ARMH4: variants seen among roughly 807,000 people sequenced by gnomAD.
ARMH4 encodes the protein armadillo like helical domain containing 4, also known as armadillo-like helical domain-containing protein 4.
Under a neutral mutation model 61.9 loss-of-function variants are expected in ARMH4, and 49 were observed. That is an observed-to-expected ratio of 0.79 (90% CI 0.63 to 1.00). ARMH4 has a LOEUF of 1.00. ARMH4 is among the 50% of genes least tolerant of loss of function. The pLI, the probability that ARMH4 is intolerant of heterozygous loss-of-function variation, is 0.00. For synonymous variants in ARMH4, 368 were observed against 341.5 expected, an observed-to-expected ratio of 1.08 and a Z score of -0.85; for missense variants, 934 against 930.0, an observed-to-expected ratio of 1.00 and a Z score of -0.06.
chr14:58,001,282 A>G lies in ARMH4; in HGVS notation c.*3454T>C, dbSNP rs1338875608. 1 of 152,214 alleles carries G rather than the reference A, an allele frequency of 6.6e-6. No homozygotes were observed. Among genetic ancestry groups the G allele is most frequent in the African/African-American group, 2.4e-5 (1 of 41,448 alleles). The allele number at this position is 152,214 out of a possible 1,614,324, so 9.4% of individuals were successfully genotyped here. On this transcript the variant is annotated 3_prime_UTR_variant, in exon 8 of 8. Transcript: ENST00000267485. The stretch of plus-strand genomic sequence containing the variant: ...TTGATAGATATTTGCATATCTATCA[A>G]TGCAATTTCCATATCTTGGCTATTG...
At chr14:58,095,677 A>G (rs1346772246) in intron 5 of ARMH4, among the ~76,000 whole-genome samples, 3 of 152,170 alleles carry the variant, frequency 2.0e-5, no homozygotes, top group Non-Finnish European at 4.4e-5. Flanking sequence ...TTCCTATAGC[A>G]TATTACACAG....
chr14:58,083,437 G>A (rs1183310421), intron 5 of ARMH4, among the ~76,000 whole-genome samples: 1 of 152,060 alleles, frequency 6.6e-6, no homozygotes, highest in East Asian at 1.9e-4. Context: ...AAAAATATTA[G>A]CCAGACATGG....
At chr14:58,013,325 T>A (rs564616343) in intron 5 of ARMH4, among the ~76,000 whole-genome samples, 7 of 152,348 alleles carry the variant, frequency 4.6e-5, no homozygotes, top group African/African-American at 1.7e-4. Context: ...TTATGGATAT[T>A]AAAATTTGAA....
At chr14:58,039,479 A>G (rs1318449620) in intron 5 of ARMH4, among the ~76,000 whole-genome samples, 1 of 152,204 alleles carries the variant, frequency 6.6e-6, no homozygotes, top group Non-Finnish European at 1.5e-5. Context: ...ACCAATATCT[A>G]CCACTTGATT....
In ARMH4 at chr14:58,003,546, C is replaced by T. The variant is rs1483051735; in HGVS notation, c.*1190G>A. 2 of 152,234 alleles carry T rather than the reference C, an allele frequency of 1.3e-5. No homozygotes were observed. The highest frequency in any genetic ancestry group is 2.9e-5 in the Non-Finnish European group (2 of 68,044). 9.4% of individuals were successfully genotyped at this position (152,234 alleles called of 1,614,324 possible). On this transcript the variant is annotated 3_prime_UTR_variant, in exon 8 of 8. Transcript: ENST00000267485. ...AAGCCTTTACCCCAAAACTCAACTA[C>T]AAATCCTCAATCCCTAGATTCAAAT...
At chr14:58,014,309 G>C (rs941087223) in intron 5 of ARMH4, among the ~76,000 whole-genome samples, 1 of 152,246 alleles carries the variant, frequency 6.6e-6, no homozygotes, top group Admixed American at 6.5e-5. Flanking sequence ...GATAAGAGCA[G>C]GGTCATGGGG....
At position 58,004,636 on chromosome 14, in the gene ARMH4, A is replaced by T; in HGVS notation, c.*100T>A. 9.8e-7 allele frequency: 1 copy of T among 1,020,514 alleles called. No homozygotes were observed. Among genetic ancestry groups the T allele is most frequent in the Non-Finnish European group, 1.5e-6 (1 of 668,788 alleles). 63.2% of individuals were successfully genotyped at this position (1,020,514 alleles called of 1,614,324 possible). ...AGCAGACACTAGGACTAACGGCCTG[A>T]TAGCAGCAATGTGGCAGGTTGTTCT... On this transcript the variant is annotated 3_prime_UTR_variant, in exon 8 of 8. Transcript: ENST00000267485.
chr14:58,029,884 TCAAA>T (rs1374711765), intron 5 of ARMH4, among the ~76,000 whole-genome samples: 1 of 152,142 alleles, frequency 6.6e-6, no homozygotes, highest in Non-Finnish European at 1.5e-5. Flanking sequence ...AAACAGGTCC[TCAAA>T]CAAATACGTG....
intron 4 of ARMH4, among the ~76,000 whole-genome samples, chr14:58,125,863 C>T (rs1445851671): frequency 6.6e-6 from 1 of 152,170 alleles, no homozygotes; most frequent in Non-Finnish European, 1.5e-5. Flanking sequence ...TTAAGAATCC[C>T]TAAGCCTAGC....
Position 58,139,287 on chromosome 14 carries a change from T to C in ARMH4, c.72A>G (p.Gln24=). ...CSLLLFSVAT[Q]CLAFPKIERR... Reference sequence around the variant, plus strand: ...TTTCTATTTTGGGGAAGGCCAGACATTGTGTGGCAACGCTGAAAAGCAGAA... The same window carrying C: ...TTTCTATTTTGGGGAAGGCCAGACACTGTGTGGCAACGCTGAAAAGCAGAA... Residue 24 remains glutamine, a synonymous_variant, in exon 2 of 8, where the codon CAA becomes CAG. Transcript: ENST00000267485. 1 of 1,614,134 alleles carries C rather than the reference T, an allele frequency of 6.2e-7. No individual in the cohort carries two copies. The highest frequency in any genetic ancestry group is 8.5e-7 in the Non-Finnish European group (1 of 1,179,998).
intron 5 of ARMH4, among the ~76,000 whole-genome samples, chr14:58,038,693 A>T (rs2144073): frequency 0.18 from 27,182 of 152,126 alleles, 2,930 homozygotes; most frequent in East Asian, 0.49. Context: ...TAACTACTAT[A>T]GTTTCAAAGT....
At chr14:58,075,667 G>A (rs1359025767) in intron 5 of ARMH4, among the ~76,000 whole-genome samples, 1 of 151,986 alleles carries the variant, frequency 6.6e-6, no homozygotes, top group Non-Finnish European at 1.5e-5. Flanking sequence ...TGGGTTGATG[G>A]GTGCAGCAAA....
intron 5 of ARMH4, among the ~76,000 whole-genome samples, chr14:58,078,540 T>A (rs1885121245): frequency 6.6e-6 from 1 of 152,160 alleles, no homozygotes; most frequent in South Asian, 2.1e-4. Flanking sequence ...TGGGAAAAAA[T>A]CCCTACTTCT....
At chr14:58,055,459 G>A (rs1439381194) in intron 5 of ARMH4, among the ~76,000 whole-genome samples, 2 of 152,212 alleles carry the variant, frequency 1.3e-5, no homozygotes, top group African/African-American at 4.8e-5. Context: ...TGGGTGTCAG[G>A]ATCTTACAGT....
chr14:58,053,631 C>T (rs1884222621), intron 5 of ARMH4, among the ~76,000 whole-genome samples: 1 of 152,162 alleles, frequency 6.6e-6, no homozygotes, highest in Non-Finnish European at 1.5e-5. Context: ...CTTTATAGAA[C>T]TTGTCATAAC....
intron 7 of ARMH4, 61 bp downstream of exon 7, chr14:58,004,987 A>C: frequency 6.2e-7 from 1 of 1,607,076 alleles, no homozygotes; most frequent in Non-Finnish European, 8.5e-7. Flanking sequence ...TTTATTAAGT[A>C]AATTAGATAA....
At chr14:58,110,038 C>G (rs547461151) in intron 4 of ARMH4, among the ~76,000 whole-genome samples, 1 of 152,244 alleles carries the variant, frequency 6.6e-6, no homozygotes, top group African/African-American at 2.4e-5. Context: ...AGGAAAACCA[C>G]CTTCATGATC....
At chr14:58,141,579 T>G in intron 1 of ARMH4, 1 of 495,292 alleles carries the variant, frequency 2.0e-6, no homozygotes. Context: ...GCAAGTGCTA[T>G]GCTTGCCTGC....
intron 5 of ARMH4, among the ~76,000 whole-genome samples, chr14:58,057,998 T>C (rs773250476): frequency 6.6e-6 from 1 of 152,184 alleles, no homozygotes; most frequent in Non-Finnish European, 1.5e-5. Context: ...CTCAAATGCA[T>C]GGAGCTTCAG....
Sources: gnomAD v4.1 joint callset for allele counts (sites outside exome capture counted in the v4.1 genomes callset) on GRCh38, gnomAD v4.1.1 for gene constraint, MANE v1.5 for transcripts, NCBI Gene and HGNC (gene_info 2026-07-23, HGNC 2026-07-21) for gene names.